OXNAD1: variants seen among roughly 807,000 people sequenced by gnomAD.
OXNAD1 encodes oxidoreductase NAD binding domain containing 1.
OXNAD1 carries 34 observed loss-of-function variants against 32.9 expected under a neutral mutation model. That is an observed-to-expected ratio of 1.03 (90% CI 0.79 to 1.38). The LOEUF (loss-of-function observed/expected upper bound fraction) is 1.38. OXNAD1 is among the 40% of genes most tolerant of loss of function. The probability of loss-of-function intolerance (pLI) is 0.00; values close to 1 mark genes in which losing one functional copy is unlikely to be tolerated. For synonymous variants in OXNAD1, 134 were observed against 135.2 expected (o/e 0.99, Z 0.06); for missense variants, 407 against 379.4 (o/e 1.07, Z -0.60).
chr3:16,295,039 C>A, intron 6 of OXNAD1, 42 bp downstream of exon 6: 1 of 1,552,978 alleles, frequency 6.4e-7, no homozygotes, highest in South Asian at 1.2e-5. Flanking sequence ...CTGGGTATCT[C>A]TGCCACCCAC....
chr3:16,280,180 A>G lies in OXNAD1; in HGVS notation c.184-6162A>G, dbSNP rs1453747643. On this transcript the variant is annotated intron_variant, in intron 4 of 8. Transcript: ENST00000285083. This position sits in a 1 kb window ranked among gnomAD's most constrained non-coding sequence, Gnocchi z 4.5. ...TGCTGTTGTTGTTGTTACATGTTAC[A>G]TGAGGTGGGAGATCCTAGAGCTCGT... Among the ~76,000 whole-genome samples the G allele has an allele frequency of 6.6e-6, 1 of 152,152 alleles. No homozygotes were observed. Among genetic ancestry groups the G allele is most frequent in the African/African-American group, 2.4e-5 (1 of 41,420 alleles).
downstream of OXNAD1, among the ~76,000 whole-genome samples, chr3:16,351,343 G>A (rs943798121): frequency 6.6e-6 from 1 of 152,224 alleles, no homozygotes; most frequent in African/African-American, 2.4e-5. The surrounding 1 kb of genome is among the most constrained non-coding windows in gnomAD (Gnocchi z 5.4). Flanking sequence ...GCCAAGGCTG[G>A]AAGATCCCCA....
At chr3:16,342,054 G>C (rs922633945), downstream of OXNAD1, among the ~76,000 whole-genome samples, 1 of 151,862 alleles carries the variant, frequency 6.6e-6, no homozygotes. The surrounding 1 kb of genome is among the most constrained non-coding windows in gnomAD (Gnocchi z 4.0). Context: ...TATATAATTG[G>C]ATATCTTAAA....
intron 2 of OXNAD1, 102 bp from the exon 3 acceptor site, chr3:16,270,843 C>A: frequency 6.6e-7 from 1 of 1,518,804 alleles, no homozygotes; most frequent in Non-Finnish European, 8.9e-7. Context: ...CATAATAGCA[C>A]CAACAGAAAT....
chr3:16,278,120 GCATT>G (rs1227387584), intron 4 of OXNAD1, among the ~76,000 whole-genome samples: 1 of 151,908 alleles, frequency 6.6e-6, no homozygotes, highest in East Asian at 1.9e-4. Flanking sequence ...TAATTCATAT[GCATT>G]CATTTGTTCA....
chr3:16,268,612 T>A (rs2124960479), intron 1 of OXNAD1, among the ~76,000 whole-genome samples: 1 of 152,274 alleles, frequency 6.6e-6, no homozygotes, highest in South Asian at 2.1e-4. Context: ...ATTACAGATA[T>A]GAGCCACTGT....
In OXNAD1 at chr3:16,297,156, T is replaced by G. The variant is rs1575133197; in HGVS notation, c.432+2159T>G. Among the ~76,000 whole-genome samples, 1 of 152,132 alleles carries G rather than the reference T, an allele frequency of 6.6e-6. No homozygotes were observed. Among genetic ancestry groups the G allele is most frequent in the South Asian group, 2.1e-4 (1 of 4,832 alleles). On this transcript the variant is annotated intron_variant, in intron 6 of 8. Coordinates refer to ENST00000285083, the MANE Select transcript of OXNAD1 (RefSeq NM_138381.5). The surrounding 1 kb of genome is among the most constrained non-coding windows in gnomAD (Gnocchi z 4.3). ...AGTCAACAAAAAGAAACAAGCAACA[T>G]GATTTTTTTAAATGGACAAAGGATT...
Position 16,301,693 on chromosome 3 carries a change from A to T in OXNAD1, c.500A>T (p.Asp167Val), listed in dbSNP as rs371709808. 17 of 1,613,878 alleles carry T rather than the reference A, an allele frequency of 1.1e-5. No individual in the cohort carries two copies. Among genetic ancestry groups the T allele is most frequent in the Non-Finnish European group, 1.4e-5 (17 of 1,179,976 alleles). ...GEFFFDPQPA[D>V]ASRNLVLIAG... ...TTCTTCTTTGACCCTCAGCCTGCGG[A>T]TGCCTCTAGAAACCTCGTGTTGATT... Residue 167 changes from aspartate to valine, a missense_variant, in exon 7 of 9, where the codon GAT (aspartate) becomes GTT (valine). By Grantham distance (152) the Asp-to-Val change is radical (BLOSUM62 -3). Coordinates refer to ENST00000285083, the MANE Select transcript of OXNAD1 (RefSeq NM_138381.5). This position sits in a 1 kb window ranked among gnomAD's most constrained non-coding sequence, Gnocchi z 4.1.
At chr3:16,309,473 A>AT (rs543172419), downstream of OXNAD1, among the ~76,000 whole-genome samples, 3 of 150,356 alleles carry the variant, frequency 2.0e-5, no homozygotes, top group African/African-American at 5.0e-5. Context: ...ATGAAAGGTG[A>AT]TTTTTTTAAC....
chr3:16,299,401 C>G lies in OXNAD1; in HGVS notation c.433-2225C>G, dbSNP rs1269198160. On this transcript the variant is annotated intron_variant, in intron 6 of 8. Transcript: ENST00000285083. This position sits in a 1 kb window ranked among gnomAD's most constrained non-coding sequence, Gnocchi z 4.4. ...TTAGTTATTCCTAACTGAATGCTCC[C>G]TTGCTGCTAATTTCTTTTGTCAAAA... Among the ~76,000 whole-genome samples, 1 of 152,144 alleles carries G rather than the reference C, an allele frequency of 6.6e-6. No individual in the cohort carries two copies. Among genetic ancestry groups the G allele is most frequent in the African/African-American group, 2.4e-5 (1 of 41,424 alleles).
In OXNAD1 at chr3:16,271,607, A is replaced by G. The variant is rs2064948580; in HGVS notation, c.120-52A>G. The G allele has an allele frequency of 1.4e-6, 2 of 1,380,428 alleles. No homozygotes were observed. The highest frequency in any genetic ancestry group is 4.4e-5 in the Admixed American group (2 of 45,010). 85.5% of individuals were successfully genotyped at this position (1,380,428 alleles called of 1,614,324 possible). A position where few individuals can be genotyped will look rare whatever the true frequency, so the allele number is the denominator to read the frequency against. On this transcript the variant is annotated intron_variant, in intron 3 of 8. Transcript: ENST00000285083. This position sits in a 1 kb window ranked among gnomAD's most constrained non-coding sequence, Gnocchi z 4.6. ...TGATATTTCAGGAAAAACTAATTTT[A>G]TTATTTTTATGAGGATAATATGTAA...
rs1232694846 is a variant in OXNAD1, at chr3:16,312,665, C to T, written c.*30+9073C>T. Among the ~76,000 whole-genome samples, 2 of 152,174 alleles carry T rather than the reference C, an allele frequency of 1.3e-5. No individual in the cohort carries two copies. Among genetic ancestry groups the T allele is most frequent in the African/African-American group, 4.8e-5 (2 of 41,438 alleles). On this transcript the variant is annotated intron_variant, in intron 9 of 9. Transcript: ENST00000435829. This position sits in a 1 kb window ranked among gnomAD's most constrained non-coding sequence, Gnocchi z 4.7. ...GTCAACCTATTCCTACTAATAAGCA[C>T]TGTCTACACCTGAGAGCTATTCCTG... is the stretch of plus-strand genomic sequence containing the variant.
chr3:16,307,823 A>G (rs1372915500), downstream of OXNAD1, among the ~76,000 whole-genome samples: 3 of 152,170 alleles, frequency 2.0e-5, no homozygotes, highest in Non-Finnish European at 2.9e-5. Context: ...AGCTTTCCCA[A>G]ATGTTTAACG....
Position 16,302,712 on chromosome 3 carries a change from A to G in OXNAD1, c.748A>G (p.Thr250Ala), listed in dbSNP as rs911261049. 1 of 1,613,450 alleles carries G rather than the reference A, an allele frequency of 6.2e-7. No homozygotes were observed. The highest frequency in any genetic ancestry group is 8.5e-7 in the Non-Finnish European group (1 of 1,179,516). ...ACSLHVTKQTTQINAELKPYI... is the reference protein window; with the variant it reads ...ACSLHVTKQTAQINAELKPYI... Reference sequence around the variant, plus strand: ...CAGTTTGCATGTTACAAAACAGACTACACAAATCAATGCGGAACTCAAGCC... The same window carrying G: ...CAGTTTGCATGTTACAAAACAGACTGCACAAATCAATGCGGAACTCAAGCC... Residue 250 changes from threonine (T) to alanine (A), a missense_variant, in exon 8 of 9, where the codon ACA becomes GCA. Transcript: ENST00000285083. This position sits in a 1 kb window ranked among gnomAD's most constrained non-coding sequence, Gnocchi z 4.2.
rs1397094196 is a variant in OXNAD1, at chr3:16,303,987, T to TA, written c.*426dup. The stretch of plus-strand genomic sequence containing the variant: ...ATGTTTAATGAAAGTATAATTTAAA[T>TA]ACAATCTTAATAATTTTACTTTGAA... On this transcript the variant is annotated 3_prime_UTR_variant, in exon 9 of 9. Coordinates refer to ENST00000285083, the MANE Select transcript of OXNAD1 (RefSeq NM_138381.5). The surrounding 1 kb of genome is among the most constrained non-coding windows in gnomAD (Gnocchi z 4.8). 6.5e-6 allele frequency: 1 copy of TA among 152,704 alleles called. No individual in the cohort carries two copies. Among genetic ancestry groups the TA allele is most frequent in the Non-Finnish European group, 1.5e-5 (1 of 68,426 alleles). The allele number at this position is 152,704 out of a possible 1,614,324, so 9.5% of individuals were successfully genotyped here. A position where few individuals can be genotyped will look rare whatever the true frequency, so the allele number is the denominator to read the frequency against.
chr3:16,308,718 C>T (rs942861328), downstream of OXNAD1, among the ~76,000 whole-genome samples: 16 of 152,204 alleles, frequency 1.1e-4, no homozygotes, highest in African/African-American at 3.4e-4. This position sits in a 1 kb window ranked among gnomAD's most constrained non-coding sequence, Gnocchi z 4.4. Context: ...TAAAATGTTT[C>T]GTGCCCAGAA....
At position 16,270,972 on chromosome 3, in the gene OXNAD1, T is replaced by C. The variant is rs778805458; in HGVS notation, c.20T>C (p.Met7Thr). Reference sequence around the variant, plus strand: ...AGCGCCATGGCCTGTGCTGCTGTTATGATTCCTGGGTTGTTGCGGTGCTCT... The same window carrying C: ...AGCGCCATGGCCTGTGCTGCTGTTACGATTCCTGGGTTGTTGCGGTGCTCT... The part of the protein sequence containing the change: MACAAV[M>T]IPGLLRCSVG... Residue 7 changes from methionine (M) to threonine (T), a missense_variant, in exon 3 of 9, where the codon ATG becomes ACG. Met to Thr is a moderately conservative substitution (Grantham distance 81). Transcript: ENST00000285083. The C allele has an allele frequency of 6.8e-6, 11 of 1,614,126 alleles. No homozygotes were observed. Among genetic ancestry groups the C allele is most frequent in the East Asian group, 4.5e-5 (2 of 44,908 alleles).
chr3:16,310,270 T>G (rs2067874909), downstream of OXNAD1, among the ~76,000 whole-genome samples: 1 of 152,226 alleles, frequency 6.6e-6, no homozygotes, highest in African/African-American at 2.4e-5. Context: ...AGTTTGCTAG[T>G]TGTTCTTTCT....
intron 4 of OXNAD1, among the ~76,000 whole-genome samples, chr3:16,278,630 G>A (rs1172937965): frequency 6.6e-5 from 10 of 152,186 alleles, no homozygotes; most frequent in Admixed American, 3.3e-4. Context: ...AAGGGACAAG[G>A]ACTCAGTCCT....
Sources: gnomAD v4.1 joint callset for allele counts (sites outside exome capture counted in the v4.1 genomes callset) on GRCh38, gnomAD v4.1.1 for gene constraint, Gnocchi (gnomAD v3.1) non-coding constraint, MANE v1.5 for transcripts, NCBI Gene and HGNC (gene_info 2026-07-23, HGNC 2026-07-21) for gene names.